IQCM: variants seen among roughly 807,000 people sequenced by gnomAD.
IQCM encodes IQ motif containing M.
In IQCM, 45 loss-of-function variants were observed where a neutral mutation model predicts 57.6. The observed-to-expected ratio is 0.78, with a 90% CI of 0.62 to 1.00. IQCM has a LOEUF of 1.00. Ranked by LOEUF, IQCM falls within the 50% of genes least tolerant of loss-of-function variation. The probability of loss-of-function intolerance (pLI) is 0.00; values close to 1 mark genes in which losing one functional copy is unlikely to be tolerated. For synonymous variants in IQCM, 148 were observed against 158.9 expected (o/e 0.93, Z 0.51); for missense variants, 468 against 511.6 (o/e 0.91, Z 0.82).
At chr4:149,785,376 A>G (rs989385842) in intron 2 of IQCM, among the ~76,000 whole-genome samples, 26 of 152,216 alleles carry the variant, frequency 1.7e-4, no homozygotes, top group African/African-American at 6.0e-4. Flanking sequence ...TAATCAAGAA[A>G]TGTATAAAAT....
intron 12 of IQCM, among the ~76,000 whole-genome samples, chr4:149,457,896 C>T (rs1737866933): frequency 6.6e-6 from 1 of 151,938 alleles, no homozygotes; most frequent in African/African-American, 2.4e-5. Flanking sequence ...CTTTTCCTTA[C>T]ATCATATACA....
chr4:149,802,994 C>T (rs1773742105), intron 2 of IQCM, among the ~76,000 whole-genome samples: 1 of 151,930 alleles, frequency 6.6e-6, no homozygotes, highest in South Asian at 2.1e-4. Context: ...ATCACATCAA[C>T]TTCATGAGTT....
Position 149,521,566 on chromosome 4 carries a change from T to C in IQCM, c.1228+26889A>G, listed in dbSNP as rs532095716. Among the ~76,000 whole-genome samples, 5 of 152,340 alleles carry C rather than the reference T, an allele frequency of 3.3e-5. No homozygotes were observed. In the East Asian group the frequency reaches 9.7e-4, roughly 29 times the overall value. On this transcript the variant is annotated intron_variant, in intron 12 of 13. Coordinates refer to ENST00000636793, the MANE Select transcript of IQCM (RefSeq NM_001363507.2). ...ATGTCAAAATGTAATCCAGATGTCA[T>C]TCAGTTGAGGAGTCTTGAAATGAAT...
At chr4:149,595,021 C>T (rs1753628663) in intron 8 of IQCM, among the ~76,000 whole-genome samples, 1 of 152,178 alleles carries the variant, frequency 6.6e-6, no homozygotes, top group African/African-American at 2.4e-5. Flanking sequence ...TGTTAACTTT[C>T]TGTCTCGTTG....
chr4:149,537,035 T>A (rs1403824766), intron 12 of IQCM, among the ~76,000 whole-genome samples: 1 of 151,916 alleles, frequency 6.6e-6, no homozygotes, highest in Non-Finnish European at 1.5e-5. Context: ...AAATTTCCAG[T>A]GCTCAACAAT....
At chr4:149,761,269 C>T (rs950371296) in intron 2 of IQCM, among the ~76,000 whole-genome samples, 13 of 151,990 alleles carry the variant, frequency 8.6e-5, no homozygotes, top group Non-Finnish European at 1.6e-4. Flanking sequence ...ATCAAAGTAC[C>T]AGTGTTTATA....
At chr4:149,387,291 T>C (rs1205545549) in intron 13 of IQCM, among the ~76,000 whole-genome samples, 1 of 151,976 alleles carries the variant, frequency 6.6e-6, no homozygotes, top group African/African-American at 2.4e-5. Flanking sequence ...CCTAATCATC[T>C]CCCAAAGGCC....
In IQCM at chr4:149,481,696, G is replaced by GTTTTGTTTTTTTTTTTTTTTT. The variant is rs1740807071; in HGVS notation, c.1229-48160_1229-48140dup. ...GAAGTCATGTAATGTGATTCTTCCAGTTTTGTTTTTTTTTTTTTTTTTTTT... is the reference window on the plus strand; with the variant it reads ...GAAGTCATGTAATGTGATTCTTCCAGTTTTGTTTTTTTTTTTTTTTTTTTTGTTTTTTTTTTTTTTTTTTTT... On this transcript the variant is annotated intron_variant, in intron 12 of 13. Coordinates refer to ENST00000636793, the MANE Select transcript of IQCM (RefSeq NM_001363507.2). 1.3e-3 allele frequency among the ~76,000 whole-genome samples: 44 copies of GTTTTGTTTTTTTTTTTTTTTT among 33,560 alleles called. 2 individuals are homozygous for GTTTTGTTTTTTTTTTTTTTTT. Among genetic ancestry groups the GTTTTGTTTTTTTTTTTTTTTT allele is most frequent in the South Asian group, 5.6e-3 (4 of 714 alleles). 22.0% of individuals were successfully genotyped at this position (33,560 alleles called of 152,430 possible). A position where few individuals can be genotyped will look rare whatever the true frequency, so the allele number is the denominator to read the frequency against.
chr4:149,695,892 G>A (rs948455656), intron 5 of IQCM, among the ~76,000 whole-genome samples: 6 of 152,066 alleles, frequency 3.9e-5, no homozygotes, highest in East Asian at 1.9e-4. Flanking sequence ...TGAGGGAAGC[G>A]GGCTGAGATT....
chr4:149,461,046 C>T (rs1167136225), intron 12 of IQCM, among the ~76,000 whole-genome samples: 1 of 152,010 alleles, frequency 6.6e-6, no homozygotes, highest in Non-Finnish European at 1.5e-5. Context: ...ACCAGCCTGA[C>T]AGACATGGAG....
intron 7 of IQCM, among the ~76,000 whole-genome samples, chr4:149,628,001 A>C (rs912035798): frequency 1.2e-4 from 19 of 152,312 alleles, no homozygotes; most frequent in African/African-American, 4.6e-4. Flanking sequence ...ATTCTTCCCT[A>C]GCATCTCTGG....
At chr4:149,633,784 T>C (rs1352027399) in intron 7 of IQCM, among the ~76,000 whole-genome samples, 1 of 152,194 alleles carries the variant, frequency 6.6e-6, no homozygotes, top group Non-Finnish European at 1.5e-5. Context: ...CAGTTGCCTA[T>C]GCCACAGTCC....
chr4:149,560,987 T>G (rs1377781359), intron 10 of IQCM, among the ~76,000 whole-genome samples: 4 of 152,132 alleles, frequency 2.6e-5, no homozygotes, highest in African/African-American at 9.7e-5. Flanking sequence ...AACTTACTAT[T>G]AACTGCATTA....
intron 7 of IQCM, among the ~76,000 whole-genome samples, chr4:149,665,518 A>G (rs1173925262): frequency 6.6e-6 from 1 of 152,114 alleles, no homozygotes; most frequent in South Asian, 2.1e-4. Context: ...CTCTGGTGCT[A>G]TCCAGCAAAC....
intron 12 of IQCM, among the ~76,000 whole-genome samples, chr4:149,541,969 C>A (rs556015613): frequency 1.3e-5 from 2 of 152,114 alleles, no homozygotes; most frequent in South Asian, 4.1e-4. Context: ...AGATGATAGA[C>A]AATCTAAAAT....
chr4:149,533,310 G>A (rs1746937447), intron 12 of IQCM, among the ~76,000 whole-genome samples: 1 of 152,058 alleles, frequency 6.6e-6, no homozygotes, highest in South Asian at 2.1e-4. Flanking sequence ...AAGCATCTCT[G>A]TATCTAGCGC....
At chr4:149,528,916 A>C (rs1042931972) in intron 12 of IQCM, among the ~76,000 whole-genome samples, 2 of 152,160 alleles carry the variant, frequency 1.3e-5, no homozygotes, top group East Asian at 3.9e-4. Context: ...AAGTATTTTT[A>C]TTCTGCTGCA....
At chr4:149,636,058 T>TA (rs1017415816) in intron 7 of IQCM, among the ~76,000 whole-genome samples, 12 of 152,162 alleles carry the variant, frequency 7.9e-5, no homozygotes, top group East Asian at 1.9e-4. Context: ...TAGAATGTCA[T>TA]AAAAAAAGAT....
intron 2 of IQCM, among the ~76,000 whole-genome samples, chr4:149,806,292 G>A (rs1007727149): frequency 5.9e-5 from 9 of 151,512 alleles, no homozygotes; most frequent in Admixed American, 1.3e-4. Flanking sequence ...GAGGTATATC[G>A]GTCACCTCAA....
Sources: allele counts gnomAD v4.1 joint callset (sites outside exome capture counted in the v4.1 genomes callset), GRCh38; gene constraint gnomAD v4.1.1; transcripts MANE v1.5; gene names NCBI Gene and HGNC (gene_info 2026-07-23, HGNC 2026-07-21).